The following SHC3 variants were observed in gnomAD, a reference collection of about 807,000 sequenced individuals.
The protein encoded by SHC3 is SHC adaptor protein 3.
A neutral mutation model predicts 60.4 loss-of-function variants in SHC3; 15 were observed. The ratio of observed to expected loss-of-function variants is 0.25; its 90% CI spans 0.17 to 0.38. The LOEUF (loss-of-function observed/expected upper bound fraction) is 0.38, where lower values mean the gene tolerates loss of function less well. SHC3 is among the 10% of genes least tolerant of loss of function. SHC3 has a pLI of 1.00. For missense variants in SHC3, 677 were observed against 786.1 expected, an observed-to-expected ratio of 0.86 and a Z score of 1.66; for synonymous variants, 294 against 325.9, an observed-to-expected ratio of 0.90 and a Z score of 1.05.
chr9:89,035,830 A>AATATATATATATAT (rs1185604208), intron 11 of SHC3, among the ~76,000 whole-genome samples: 16 of 106,436 alleles, frequency 1.5e-4, no homozygotes, highest in Non-Finnish European at 2.1e-4. Flanking sequence ...AAACAAACAA[A>AATATATATATATAT]ATATATATAT....
At chr9:89,061,868 C>T in intron 6 of SHC3, among the ~76,000 whole-genome samples, 1 of 152,094 alleles carries the variant, frequency 6.6e-6, no homozygotes, top group East Asian at 1.9e-4. Context: ...GTAGCTGACT[C>T]AGTTATCAGA....
chr9:89,139,294 A>C (rs901033909), intron 1 of SHC3, among the ~76,000 whole-genome samples: 4 of 152,230 alleles, frequency 2.6e-5, no homozygotes, highest in Non-Finnish European at 5.9e-5. Flanking sequence ...GAATCTAATA[A>C]CAAGTGTACC....
chr9:89,173,924 G>A (rs374579095), intron 1 of SHC3, among the ~76,000 whole-genome samples: 5 of 151,912 alleles, frequency 3.3e-5, no homozygotes, highest in Admixed American at 6.6e-5. Context: ...ATAAGATTTC[G>A]AAAGAATTTT....
At chr9:89,072,755 T>A (rs1825295033) in intron 4 of SHC3, among the ~76,000 whole-genome samples, 1 of 152,160 alleles carries the variant, frequency 6.6e-6, no homozygotes, top group Admixed American at 6.5e-5. Context: ...CATAACCAGG[T>A]TTAGTTCTGC....
At chr9:89,151,002 G>A (rs1043916163) in intron 1 of SHC3, among the ~76,000 whole-genome samples, 1 of 146,040 alleles carries the variant, frequency 6.8e-6, no homozygotes, top group Non-Finnish European at 1.5e-5. Flanking sequence ...TGTGATTATT[G>A]GCCATCTGCA....
intron 5 of SHC3, among the ~76,000 whole-genome samples, chr9:89,067,610 A>G (rs979857949): frequency 2.0e-5 from 3 of 152,186 alleles, no homozygotes; most frequent in Non-Finnish European, 4.4e-5. Flanking sequence ...ATGATGTACA[A>G]CTGAAGTTTC....
chr9:89,141,343 A>G (rs751129242), intron 1 of SHC3, among the ~76,000 whole-genome samples: 3 of 152,134 alleles, frequency 2.0e-5, no homozygotes, highest in Admixed American at 6.5e-5. Flanking sequence ...TCTTTATGAC[A>G]GAACAATACA....
At chr9:89,150,270 G>T (rs899276318) in intron 1 of SHC3, among the ~76,000 whole-genome samples, 1 of 152,010 alleles carries the variant, frequency 6.6e-6, no homozygotes, top group Non-Finnish European at 1.5e-5. Flanking sequence ...GGAGATTATT[G>T]TATTCACAAT....
intron 2 of SHC3, 121 bp from the exon 3 acceptor site, chr9:89,078,024 G>A (rs1207678848): frequency 8.6e-7 from 1 of 1,168,766 alleles, no homozygotes; most frequent in Non-Finnish European, 1.2e-6. Flanking sequence ...AGAAAACAGA[G>A]CTGCCAATTT....
chr9:89,136,056 A>G (rs1826315157), intron 1 of SHC3, among the ~76,000 whole-genome samples: 1 of 151,998 alleles, frequency 6.6e-6, no homozygotes, highest in Non-Finnish European at 1.5e-5. Flanking sequence ...GTCATGAATG[A>G]CCCTCACCAA....
rs1433869693 is a variant in SHC3, at chr9:89,085,708, G to T, written c.546-7805C>A. Among the ~76,000 whole-genome samples, 7 of 152,152 alleles carry T rather than the reference G, an allele frequency of 4.6e-5. No individual in the cohort carries two copies. The East Asian group carries it at 1.3e-3, about 29-fold the overall frequency. On this transcript the variant is annotated intron_variant, in intron 2 of 11. Transcript: ENST00000375835. ...CAGCTTCATACAAGGCTTTCCTGGG[G>T]CACAAACCTGCAGAAGGTAACACTG...
chr9:89,163,624 C>T (rs1484738898), intron 1 of SHC3, among the ~76,000 whole-genome samples: 2 of 144,564 alleles, frequency 1.4e-5, no homozygotes, highest in Non-Finnish European at 3.0e-5. Flanking sequence ...GGGATAGCAT[C>T]GGGAGATATA....
At chr9:89,111,096 C>G (rs546185297) in intron 2 of SHC3, among the ~76,000 whole-genome samples, 1 of 152,144 alleles carries the variant, frequency 6.6e-6, no homozygotes, top group African/African-American at 2.4e-5. Context: ...CTAGCAAAGC[C>G]GGAGAGTCAC....
In SHC3 at chr9:89,124,767, T is replaced by C. The variant is rs574637333; in HGVS notation, c.475-12141A>G. 4.0e-5 allele frequency among the ~76,000 whole-genome samples: 6 copies of C among 151,724 alleles called. No individual in the cohort carries two copies. The South Asian group carries it at 1.2e-3, about 32-fold the overall frequency. ...GCTTAAAACTTAGATGACAGGTAGA[T>C]AGGTGCAGCAAATTACCATGGCACA... On this transcript the variant is annotated intron_variant, in intron 1 of 11. Coordinates refer to ENST00000375835, the MANE Select transcript of SHC3 (RefSeq NM_016848.6).
Position 89,046,963 on chromosome 9 carries a change from C to T in SHC3, c.994G>A (p.Glu332Lys), listed in dbSNP as rs768584000. The T allele has an allele frequency of 2.5e-6, 4 of 1,609,256 alleles. No homozygotes were observed. Among genetic ancestry groups the T allele is most frequent in the Non-Finnish European group, 3.4e-6 (4 of 1,177,898 alleles). Reference sequence around the variant, plus strand: ...GGGTGGTCTGAGCCATCTCCCTCCTCTTCCGTCCATGGCTCATCCAGACTC... The same window carrying T: ...GGGTGGTCTGAGCCATCTCCCTCCTTTTCCGTCCATGGCTCATCCAGACTC... Reference protein sequence around the residue: ...MQSLDEPWTEEEGDGSDHPYY... With the variant: ...MQSLDEPWTEKEGDGSDHPYY... Residue 332 changes from glutamate to lysine, a missense_variant, in exon 8 of 12, where the codon GAG (glutamate) becomes AAG (lysine). By Grantham distance (56) the Glu-to-Lys change is moderately conservative. Transcript: ENST00000375835.
chr9:89,159,403 T>C (rs1261141821), intron 1 of SHC3, among the ~76,000 whole-genome samples: 1 of 152,018 alleles, frequency 6.6e-6, no homozygotes, highest in Non-Finnish European at 1.5e-5. Flanking sequence ...AAGTGAGAAA[T>C]GTTTGGCTTG....
rs1825983003 is a variant in SHC3 at position 89,009,106 on chromosome 9, G to C, written c.*4341C>G. ...GCTTTACGTGCAGGCCCAGGACTGT[G>C]AGTCCTGTGCTCTTTTCTAAGTTGA... is the stretch of plus-strand genomic sequence containing the variant. On this transcript the variant is annotated 3_prime_UTR_variant, in exon 12 of 12. Transcript: ENST00000375835. 1 of 152,240 alleles carries C rather than the reference G, an allele frequency of 6.6e-6. No individual in the cohort carries two copies. Among genetic ancestry groups the C allele is most frequent in the African/African-American group, 2.4e-5 (1 of 41,450 alleles). 9.4% of individuals were successfully genotyped at this position (152,240 alleles called of 1,614,324 possible).
chr9:89,119,106 G>A (rs916563995), intron 1 of SHC3, among the ~76,000 whole-genome samples: 1 of 152,062 alleles, frequency 6.6e-6, no homozygotes, highest in Non-Finnish European at 1.5e-5. Context: ...GTGGAGGTAG[G>A]TCCGGAACTG....
intron 1 of SHC3, among the ~76,000 whole-genome samples, chr9:89,124,892 T>G (rs896704194): frequency 6.6e-6 from 1 of 150,858 alleles, no homozygotes; most frequent in African/African-American, 2.4e-5. Flanking sequence ...AGGAAAAAAA[T>G]ATCTCCCTCA....
Sources: gnomAD v4.1 joint callset for allele counts (sites outside exome capture counted in the v4.1 genomes callset) on GRCh38, gnomAD v4.1.1 for gene constraint, MANE v1.5 for transcripts, NCBI Gene and HGNC (gene_info 2026-07-23, HGNC 2026-07-21) for gene names.